Variants in SNTG2 observed in about 807,000 individuals in gnomAD.
SNTG2 encodes the protein gamma-2-syntrophin.
A neutral mutation model predicts 70.9 loss-of-function variants in SNTG2; 74 were observed. The observed-to-expected ratio is 1.04, with a 90% confidence interval of 0.86 to 1.27. The LOEUF (loss-of-function observed/expected upper bound fraction) is 1.27, where lower values mean the gene tolerates loss of function less well. SNTG2 is among the 50% of genes most tolerant of loss of function. The pLI, the probability that SNTG2 is intolerant of heterozygous loss-of-function variation, is 0.00. For synonymous variants in SNTG2, 278 were observed against 273.8 expected, an observed-to-expected ratio of 1.02 and a Z score of -0.15; for missense variants, 717 against 690.7, an observed-to-expected ratio of 1.04 and a Z score of -0.43.
intron 1 of SNTG2, among the ~76,000 whole-genome samples, chr2:1,003,318 CAA>C (rs1314307815): frequency 2.0e-5 from 3 of 152,058 alleles, no homozygotes; most frequent in African/African-American, 7.2e-5. Context: ...AGTGTATAGT[CAA>C]GAGTGTGGCC....
At chr2:1,048,524 C>T (rs1363541589) in intron 1 of SNTG2, among the ~76,000 whole-genome samples, 2 of 152,068 alleles carry the variant, frequency 1.3e-5, no homozygotes, top group Non-Finnish European at 2.9e-5. Context: ...TGTAGTTGCA[C>T]TTTGTATATT....
At chr2:1,185,121 T>A (rs150199872) in intron 8 of SNTG2, among the ~76,000 whole-genome samples, 1 of 152,248 alleles carries the variant, frequency 6.6e-6, no homozygotes, top group African/African-American at 2.4e-5. Context: ...AAAAGGGCAG[T>A]CAGTAAATCT....
intron 1 of SNTG2, among the ~76,000 whole-genome samples, chr2:1,061,377 C>T (rs1424940663): frequency 6.6e-6 from 1 of 152,230 alleles, no homozygotes; most frequent in African/African-American, 2.4e-5. Flanking sequence ...CATTTCTGCA[C>T]AACTTGTGTG....
At chr2:1,363,401 C>T (rs1344238043) in intron 16 of SNTG2, among the ~76,000 whole-genome samples, 1 of 152,164 alleles carries the variant, frequency 6.6e-6, no homozygotes, top group South Asian at 2.1e-4. Context: ...ACATATGTCC[C>T]AGCTTGCAAT....
At position 1,209,101 on chromosome 2, in the gene SNTG2, A is replaced by G. The variant is rs1471452905; in HGVS notation, c.592-2A>G. On this transcript the variant is annotated splice_acceptor_variant, in intron 8 of 16. Coordinates refer to ENST00000308624, the MANE Select transcript of SNTG2 (RefSeq NM_018968.4). LOFTEE classifies it high-confidence loss of function. ...CGCTTCATTCTCCTTTCTTCTGTACAGGCCCCATCGTCACCTTCCTCGCCC... is the reference window on the plus strand; with the variant it reads ...CGCTTCATTCTCCTTTCTTCTGTACGGGCCCCATCGTCACCTTCCTCGCCC... The G allele has an allele frequency of 6.2e-7, 1 of 1,613,834 alleles. No individual in the cohort carries two copies. The highest frequency in any genetic ancestry group is 8.5e-7 in the Non-Finnish European group (1 of 1,179,858).
At chr2:1,012,464 A>G (rs184530769) in intron 1 of SNTG2, among the ~76,000 whole-genome samples, 1 of 152,380 alleles carries the variant, frequency 6.6e-6, no homozygotes, top group East Asian at 1.9e-4. Flanking sequence ...ATAGTCACAC[A>G]GAAAAGGGGC....
At chr2:1,297,553 A>G (rs561643439) in intron 14 of SNTG2, among the ~76,000 whole-genome samples, 5 of 149,562 alleles carry the variant, frequency 3.3e-5, no homozygotes, top group South Asian at 4.3e-4. Context: ...CCTTCCCAGC[A>G]GCCCAGCCCG....
chr2:1,118,518 C>T (rs1023993811), intron 4 of SNTG2, among the ~76,000 whole-genome samples: 2 of 152,024 alleles, frequency 1.3e-5, no homozygotes, highest in African/African-American at 4.8e-5. Context: ...TCTTCCCCTA[C>T]AAAAGGCACT....
chr2:1,062,149 C>T (rs1286960528), intron 1 of SNTG2, among the ~76,000 whole-genome samples: 2 of 152,126 alleles, frequency 1.3e-5, no homozygotes, highest in Non-Finnish European at 2.9e-5. Flanking sequence ...AGGGAGTGTG[C>T]ACTCACTGGA....
At chr2:1,002,752 A>G (rs1473822834) in intron 1 of SNTG2, among the ~76,000 whole-genome samples, 1 of 151,524 alleles carries the variant, frequency 6.6e-6, no homozygotes, top group Non-Finnish European at 1.5e-5. Context: ...TAAAGGATAT[A>G]TACCCAAAGG....
intron 1 of SNTG2, among the ~76,000 whole-genome samples, chr2:1,077,486 A>G (rs902178481): frequency 6.6e-6 from 1 of 151,984 alleles, no homozygotes; most frequent in Non-Finnish European, 1.5e-5. Flanking sequence ...AATGACTTTT[A>G]TATTCCCTGC....
At chr2:1,032,006 TA>T (rs1660864686) in intron 1 of SNTG2, among the ~76,000 whole-genome samples, 2 of 152,258 alleles carry the variant, frequency 1.3e-5, no homozygotes, top group South Asian at 4.1e-4. Context: ...ATTTTAAATT[TA>T]AAAATGGTGG....
intron 8 of SNTG2, among the ~76,000 whole-genome samples, chr2:1,194,823 A>G (rs1263372672): frequency 3.3e-5 from 5 of 151,978 alleles, no homozygotes; most frequent in African/African-American, 1.2e-4. Context: ...GGTTTGCTGC[A>G]CCCATCAACC....
chr2:1,322,627 C>T (rs1681583402), intron 16 of SNTG2, among the ~76,000 whole-genome samples: 1 of 152,144 alleles, frequency 6.6e-6, no homozygotes, highest in Non-Finnish European at 1.5e-5. Context: ...GTCTCTATCT[C>T]TCTCACTCTG....
At chr2:1,358,987 ATGTT>A (rs1198194736) in intron 16 of SNTG2, among the ~76,000 whole-genome samples, 1 of 152,006 alleles carries the variant, frequency 6.6e-6, no homozygotes, top group Non-Finnish European at 1.5e-5. Flanking sequence ...AGTTTTGTCA[ATGTT>A]TGTTTCATAC....
intron 4 of SNTG2, among the ~76,000 whole-genome samples, chr2:1,121,284 T>A (rs911230714): frequency 3.3e-5 from 5 of 151,966 alleles, no homozygotes; most frequent in African/African-American, 7.3e-5. Flanking sequence ...TTGATAGTGA[T>A]AAATACCTAC....
At chr2:1,205,773 C>T (rs1248071389) in intron 8 of SNTG2, among the ~76,000 whole-genome samples, 1 of 152,124 alleles carries the variant, frequency 6.6e-6, no homozygotes, top group African/African-American at 2.4e-5. Context: ...TTCTTGTATA[C>T]ATTCAGTGTA....
intron 4 of SNTG2, among the ~76,000 whole-genome samples, chr2:1,136,525 T>TA (rs1034594078): frequency 6.6e-6 from 1 of 152,214 alleles, no homozygotes; most frequent in Non-Finnish European, 1.5e-5. Flanking sequence ...CGTACACTGA[T>TA]ATGAAAACTA....
rs1572732298 is a variant in SNTG2, at chr2:1,209,333, A to G, written c.719+103A>G. 2.9e-6 allele frequency: 4 copies of G among 1,389,036 alleles called. No homozygotes were observed. In the East Asian group the frequency reaches 9.2e-5, roughly 32 times the overall value. The allele number at this position is 1,389,036 out of a possible 1,614,324, so 86.0% of individuals were successfully genotyped here. On this transcript the variant is annotated intron_variant, in intron 9 of 16. Coordinates refer to ENST00000308624, the MANE Select transcript of SNTG2 (RefSeq NM_018968.4). ...CTCCAGAGCGCTTGACTGTGACATT[A>G]GCAAGTGTGCGTGCTGTCTTCTGGT...
Sources: gnomAD v4.1 joint callset for allele counts (sites outside exome capture counted in the v4.1 genomes callset) on GRCh38, gnomAD v4.1.1 for gene constraint, MANE v1.5 for transcripts, NCBI Gene and HGNC (gene_info 2026-07-23, HGNC 2026-07-21) for gene names.